The following TNFSF4 variants were observed in gnomAD, a reference collection of about 807,000 sequenced individuals.
TNFSF4 encodes tumor necrosis factor ligand superfamily member 4.
Under a neutral mutation model 7.3 loss-of-function variants are expected in TNFSF4, and 4 were observed. The ratio of observed to expected loss-of-function variants is 0.55; its 90% CI spans 0.27 to 1.25. TNFSF4 has a LOEUF of 1.25. TNFSF4 is among the 50% of genes most tolerant of loss of function. The probability of loss-of-function intolerance (pLI) is 0.12; values close to 1 mark genes in which losing one functional copy is unlikely to be tolerated. For missense variants in TNFSF4, 181 were observed against 208.8 expected (o/e 0.87, Z 0.82); for synonymous variants, 76 against 83.7 (o/e 0.91, Z 0.50).
the TNFSF4 span, among the ~76,000 whole-genome samples, chr1:173,226,330 T>C: frequency 6.6e-6 from 1 of 152,222 alleles, no homozygotes; most frequent in Non-Finnish European, 1.5e-5. Flanking sequence ...GGATGTGATA[T>C]GTACACACCT....
chr1:173,432,414 C>G, the TNFSF4 span, among the ~76,000 whole-genome samples: 1 of 152,154 alleles, frequency 6.6e-6, no homozygotes, highest in African/African-American at 2.4e-5. Flanking sequence ...GGGTAGGGCC[C>G]TAATCCAGTA....
chr1:173,363,547 G>A, the TNFSF4 span: 6 of 500,472 alleles, frequency 1.2e-5, no homozygotes, highest in Non-Finnish European at 2.4e-5. Flanking sequence ...ACAAAATATA[G>A]CTCTGCTGTT....
At chr1:173,332,483 A>AT in the TNFSF4 span, among the ~76,000 whole-genome samples, 2 of 151,844 alleles carry the variant, frequency 1.3e-5, no homozygotes, top group Non-Finnish European at 2.9e-5. Context: ...GTGAGCTGAG[A>AT]CTGTGCCATT....
the TNFSF4 span, among the ~76,000 whole-genome samples, chr1:173,245,092 T>C: frequency 1.3e-5 from 2 of 151,960 alleles, no homozygotes; most frequent in Admixed American, 1.3e-4. Context: ...CAAGTGAACA[T>C]GACTTAGAGG....
intron 1 of TNFSF4, among the ~76,000 whole-genome samples, chr1:173,198,493 G>A (rs770516775): frequency 2.0e-5 from 3 of 152,136 alleles, no homozygotes; most frequent in African/African-American, 4.8e-5. Flanking sequence ...GGCTCCCTCC[G>A]ATAGTAAATG....
the TNFSF4 span, among the ~76,000 whole-genome samples, chr1:173,176,533 T>G: frequency 6.6e-6 from 1 of 152,194 alleles, no homozygotes; most frequent in Non-Finnish European, 1.5e-5. Context: ...GAATGTAAAT[T>G]AGTTCAGTCA....
At chr1:173,195,517 CA>C (rs1170964295) in intron 1 of TNFSF4, among the ~76,000 whole-genome samples, 1 of 152,230 alleles carries the variant, frequency 6.6e-6, no homozygotes, top group Non-Finnish European at 1.5e-5. Context: ...TGTCCAAAAA[CA>C]AAGGTGGAAA....
the TNFSF4 span, among the ~76,000 whole-genome samples, chr1:173,282,314 T>C: frequency 6.6e-6 from 1 of 152,024 alleles, no homozygotes; most frequent in African/African-American, 2.4e-5. Flanking sequence ...CCCATAAGTA[T>C]GTACAATTAT....
At chr1:173,318,449 GT>G in the TNFSF4 span, among the ~76,000 whole-genome samples, 2 of 152,080 alleles carry the variant, frequency 1.3e-5, no homozygotes, top group Non-Finnish European at 1.5e-5. Flanking sequence ...GCCATTATCA[GT>G]TCACTAATGG....
the TNFSF4 span, among the ~76,000 whole-genome samples, chr1:173,273,431 T>C: frequency 2.6e-5 from 4 of 152,158 alleles, no homozygotes; most frequent in Non-Finnish European, 5.9e-5. Context: ...TGCAAAAAAT[T>C]TTTGAAATAG....
the TNFSF4 span, among the ~76,000 whole-genome samples, chr1:173,428,596 CTAGTT>C: frequency 6.6e-6 from 1 of 152,142 alleles, no homozygotes; most frequent in Non-Finnish European, 1.5e-5. Context: ...TAAATACTGA[CTAGTT>C]TATGATATTA....
At chr1:173,187,595 C>T (rs1279613694) in intron 2 of TNFSF4, among the ~76,000 whole-genome samples, 2 of 152,144 alleles carry the variant, frequency 1.3e-5, no homozygotes, top group African/African-American at 2.4e-5. Flanking sequence ...TGGAAGAGCT[C>T]AAGGGCATAT....
chr1:173,418,222 T>C, the TNFSF4 span: 2 of 152,262 alleles, frequency 1.3e-5, no homozygotes, highest in African/African-American at 4.8e-5. Flanking sequence ...AGAGCTATTG[T>C]TACTGAGCTG....
chr1:173,266,889 A>G, the TNFSF4 span, among the ~76,000 whole-genome samples: 38 of 152,298 alleles, frequency 2.5e-4, no homozygotes, highest in African/African-American at 9.1e-4. Context: ...TTGAATGGTT[A>G]TTATCATCAT....
At chr1:173,338,072 G>A in the TNFSF4 span, among the ~76,000 whole-genome samples, 314 of 152,226 alleles carry the variant, frequency 2.1e-3, no homozygotes, top group African/African-American at 6.2e-3. Context: ...ATGAACTTCT[G>A]CTCACCAAGG....
the TNFSF4 span, among the ~76,000 whole-genome samples, chr1:173,252,604 C>A: frequency 6.6e-6 from 1 of 152,014 alleles, no homozygotes; most frequent in African/African-American, 2.4e-5. Flanking sequence ...TTCTCAATGT[C>A]TATATTTACT....
the TNFSF4 span, among the ~76,000 whole-genome samples, chr1:173,327,771 C>T: frequency 6.6e-6 from 1 of 152,262 alleles, no homozygotes; most frequent in South Asian, 2.1e-4. Flanking sequence ...CATCACTGGC[C>T]ATCAGAGAAA....
chr1:173,315,799 C>T, the TNFSF4 span, among the ~76,000 whole-genome samples: 1 of 152,026 alleles, frequency 6.6e-6, no homozygotes, highest in Non-Finnish European at 1.5e-5. Flanking sequence ...GATATTAGCC[C>T]CTTAACAGAT....
At chr1:173,229,549 A>G in the TNFSF4 span, among the ~76,000 whole-genome samples, 21 of 152,228 alleles carry the variant, frequency 1.4e-4, no homozygotes, top group African/African-American at 4.3e-4. Flanking sequence ...ACCAGCTAAC[A>G]TCATAGTGAC....
Sources: gnomAD v4.1 joint callset for allele counts (sites outside exome capture counted in the v4.1 genomes callset) on GRCh38, gnomAD v4.1.1 for gene constraint, MANE v1.5 for transcripts, NCBI Gene and HGNC (gene_info 2026-07-23, HGNC 2026-07-21) for gene names.